CNTN5: variants seen among roughly 807,000 people sequenced by gnomAD.
CNTN5 encodes contactin-5.
Under a neutral mutation model 129.1 loss-of-function variants are expected in CNTN5, and 77 were observed. The ratio of observed to expected loss-of-function variants is 0.60; its 90% CI spans 0.50 to 0.72. CNTN5 has a LOEUF of 0.72. CNTN5 is among the 30% of genes least tolerant of loss of function. The pLI is 0.00. For missense variants in CNTN5, 1,478 were observed against 1,328.8 expected (o/e 1.11, Z -1.75); for synonymous variants, 509 against 465.6 (o/e 1.09, Z -1.20).
intron 6 of CNTN5, among the ~76,000 whole-genome samples, chr11:99,898,342 A>G (rs1949264489): frequency 6.6e-6 from 1 of 152,092 alleles, no homozygotes; most frequent in South Asian, 2.1e-4. Flanking sequence ...AAAAGAGAGA[A>G]GATTCAAATA....
chr11:99,345,386 A>C (rs1479287865), intron 2 of CNTN5, among the ~76,000 whole-genome samples: 1 of 152,166 alleles, frequency 6.6e-6, no homozygotes, highest in Non-Finnish European at 1.5e-5. Flanking sequence ...CAACTATCCC[A>C]TTCCTATCTT....
chr11:100,242,344 G>A (rs995570574), intron 16 of CNTN5, among the ~76,000 whole-genome samples: 4 of 151,790 alleles, frequency 2.6e-5, no homozygotes, highest in East Asian at 1.9e-4. Context: ...TCTTCATTGC[G>A]TTTGTTACTA....
At chr11:99,726,930 A>C (rs2135066184) in intron 3 of CNTN5, among the ~76,000 whole-genome samples, 1 of 152,308 alleles carries the variant, frequency 6.6e-6, no homozygotes, top group South Asian at 2.1e-4. Context: ...GACTTGAAAA[A>C]AATTTACATA....
At chr11:99,849,825 A>T (rs1414032709) in intron 6 of CNTN5, among the ~76,000 whole-genome samples, 1 of 152,102 alleles carries the variant, frequency 6.6e-6, no homozygotes, top group African/African-American at 2.4e-5. Context: ...GATAACTCTA[A>T]TTTAACCCTA....
chr11:99,158,597 A>G (rs548767232), intron 1 of CNTN5, among the ~76,000 whole-genome samples: 2 of 152,318 alleles, frequency 1.3e-5, no homozygotes, highest in South Asian at 4.1e-4. Flanking sequence ...AAATTCCCAA[A>G]TGAAATGAAC....
At chr11:99,320,476 T>G (rs1865523591) in intron 1 of CNTN5, among the ~76,000 whole-genome samples, 1 of 152,150 alleles carries the variant, frequency 6.6e-6, no homozygotes, top group Non-Finnish European at 1.5e-5. Context: ...TTGGAAGTTT[T>G]TTGTGTATAG....
intron 2 of CNTN5, among the ~76,000 whole-genome samples, chr11:99,546,846 G>A (rs72995243): frequency 0.065 from 9,901 of 152,024 alleles, 380 homozygotes; most frequent in Non-Finnish European, 0.079. Flanking sequence ...CCATTCTTAC[G>A]TTAAGATCTT....
intron 1 of CNTN5, among the ~76,000 whole-genome samples, chr11:99,176,992 GGT>G (rs1206780287): frequency 2.0e-5 from 3 of 151,886 alleles, no homozygotes; most frequent in Non-Finnish European, 4.4e-5. Flanking sequence ...AGCTATGTTT[GGT>G]CAACTCTGAC....
chr11:100,286,552 G>C (rs2138842073), intron 18 of CNTN5, among the ~76,000 whole-genome samples: 1 of 146,990 alleles, frequency 6.8e-6, no homozygotes, highest in Middle Eastern at 3.6e-3. Context: ...GGTCCTGTCT[G>C]TTAGAAGGAA....
intron 8 of CNTN5, among the ~76,000 whole-genome samples, chr11:99,999,600 G>A (rs1196675582): frequency 1.3e-5 from 2 of 152,260 alleles, no homozygotes; most frequent in Non-Finnish European, 1.5e-5. Context: ...TCAGTGTGGC[G>A]ATTCCTCAGG....
intron 3 of CNTN5, among the ~76,000 whole-genome samples, chr11:99,646,802 C>CA (rs1951978890): frequency 8.3e-6 from 1 of 120,812 alleles, no homozygotes; most frequent in South Asian, 2.7e-4. Context: ...TCATCAATGT[C>CA]AATTCTTAAA....
At chr11:99,054,617 C>T (rs918550453) in intron 1 of CNTN5, among the ~76,000 whole-genome samples, 1 of 151,724 alleles carries the variant, frequency 6.6e-6, no homozygotes, top group African/African-American at 2.4e-5. Context: ...TGGATTAGTA[C>T]AAGCTAATCC....
chr11:100,061,755 G>A (rs765327639), intron 10 of CNTN5, among the ~76,000 whole-genome samples: 1 of 152,106 alleles, frequency 6.6e-6, no homozygotes, highest in Non-Finnish European at 1.5e-5. Flanking sequence ...CCATCAACGA[G>A]ATCCTGCCCA....
At chr11:99,870,833 T>C (rs1228714850) in intron 6 of CNTN5, among the ~76,000 whole-genome samples, 7 of 152,016 alleles carry the variant, frequency 4.6e-5, no homozygotes, top group Non-Finnish European at 1.0e-4. Context: ...GGTTCAATGA[T>C]TTTGTTACAT....
chr11:99,705,971 G>A (rs1954738388), intron 3 of CNTN5, among the ~76,000 whole-genome samples: 1 of 151,218 alleles, frequency 6.6e-6, no homozygotes, highest in Non-Finnish European at 1.5e-5. Flanking sequence ...CCATCACCAG[G>A]GTGGAGAGAG....
At chr11:99,351,945 A>T (rs1938327214) in intron 2 of CNTN5, among the ~76,000 whole-genome samples, 1 of 152,194 alleles carries the variant, frequency 6.6e-6, no homozygotes, top group Non-Finnish European at 1.5e-5. Context: ...AAGATTTTTT[A>T]TTCTTCTGCC....
At chr11:99,579,565 C>T (rs1387474398) in intron 3 of CNTN5, among the ~76,000 whole-genome samples, 1 of 147,050 alleles carries the variant, frequency 6.8e-6, no homozygotes, top group African/African-American at 2.5e-5. Flanking sequence ...AAGTTGGATT[C>T]CTAGGTATTT....
intron 4 of CNTN5, among the ~76,000 whole-genome samples, chr11:99,825,723 T>C (rs1268681126): frequency 1.3e-5 from 2 of 152,146 alleles, no homozygotes; most frequent in East Asian, 1.9e-4. Context: ...TCTGCTGGCC[T>C]CTTTTGTAGC....
At chr11:100,188,024 C>T (rs1282995428) in intron 13 of CNTN5, among the ~76,000 whole-genome samples, 1 of 152,122 alleles carries the variant, frequency 6.6e-6, no homozygotes, top group Non-Finnish European at 1.5e-5. Flanking sequence ...AGAAAATATT[C>T]TCAAACTACG....
Sources: gnomAD v4.1 joint callset for allele counts (sites outside exome capture counted in the v4.1 genomes callset) on GRCh38, gnomAD v4.1.1 for gene constraint, MANE v1.5 for transcripts, NCBI Gene and HGNC (gene_info 2026-07-23, HGNC 2026-07-21) for gene names.